DNAH11: variants seen among roughly 807,000 people sequenced by gnomAD.
DNAH11 encodes dynein axonemal heavy chain 11.
DNAH11 carries 442 observed loss-of-function variants against 526.0 expected under a neutral mutation model. The observed-to-expected ratio is 0.84, with a 90% CI of 0.78 to 0.91. The LOEUF is 0.91. Among genes scored for constraint, DNAH11 ranks in the 40% least tolerant of loss-of-function variants. The pLI is 0.00. For missense variants in DNAH11, 6,989 were observed against 5,448.7 expected, an observed-to-expected ratio of 1.28 and a Z score of -8.90; for synonymous variants, 2,461 against 1,935.9, an observed-to-expected ratio of 1.27 and a Z score of -7.12.
At chr7:21,556,356 A>G (rs903296501) in intron 2 of DNAH11, among the ~76,000 whole-genome samples, 4 of 152,178 alleles carry the variant, frequency 2.6e-5, no homozygotes, top group African/African-American at 9.7e-5. Flanking sequence ...CAGAATAGTA[A>G]ATAGAGTGAA....
At chr7:21,850,391 T>C (rs1367009819) in intron 66 of DNAH11, among the ~76,000 whole-genome samples, 2 of 150,330 alleles carry the variant, frequency 1.3e-5, no homozygotes, top group Non-Finnish European at 3.0e-5. Context: ...AGAAAAAAAA[T>C]TCTTCATTTT....
At chr7:21,652,578 A>C (rs1353377715) in intron 28 of DNAH11, among the ~76,000 whole-genome samples, 1 of 152,210 alleles carries the variant, frequency 6.6e-6, no homozygotes, top group Non-Finnish European at 1.5e-5. Context: ...TATAACCAAC[A>C]GTGAGAAGCT....
chr7:21,718,902 A>G (rs544950341), intron 43 of DNAH11, among the ~76,000 whole-genome samples: 17 of 152,358 alleles, frequency 1.1e-4, no homozygotes, highest in Admixed American at 8.5e-4. Flanking sequence ...ATAGTCTTCA[A>G]CAGTAATTAT....
At chr7:21,846,315 C>A (rs1214100581) in intron 66 of DNAH11, among the ~76,000 whole-genome samples, 1 of 152,172 alleles carries the variant, frequency 6.6e-6, no homozygotes, top group Non-Finnish European at 1.5e-5. Context: ...AGGGCAAAAG[C>A]ATCTAGCTTC....
chr7:21,561,389 C>A, intron 5 of DNAH11: 1 of 394,332 alleles, frequency 2.5e-6, no homozygotes, highest in Non-Finnish European at 4.5e-6. Context: ...GCCAAAATGG[C>A]TCCAGATTGA....
chr7:21,624,287 G>A (rs999378480), intron 25 of DNAH11, among the ~76,000 whole-genome samples: 1 of 151,980 alleles, frequency 6.6e-6, no homozygotes, highest in Non-Finnish European at 1.5e-5. Flanking sequence ...CACCTCCTTT[G>A]GTTAAATTTG....
intron 8 of DNAH11, among the ~76,000 whole-genome samples, chr7:21,579,000 C>T (rs1292448524): frequency 6.6e-6 from 1 of 152,190 alleles, no homozygotes; most frequent in Admixed American, 6.5e-5. Flanking sequence ...CCATCCAGTT[C>T]TTTCAGCTAT....
rs960832952 is a variant in DNAH11 at position 21,814,359 on chromosome 7, T to C, written c.10333-2108T>C. On this transcript the variant is annotated intron_variant, in intron 63 of 81. Transcript: ENST00000409508. ...TTTATTTATTTATTTATTTTTTTTT[T>C]ATTTTTTTATTTTTATTTTTTATAC... 1.3e-3 allele frequency among the ~76,000 whole-genome samples: 200 copies of C among 151,556 alleles called. 1 individual carries two copies. The highest frequency in any genetic ancestry group is 2.0e-3 in the Non-Finnish European group (135 of 67,864).
chr7:21,817,660 T>A (rs1405134995), intron 64 of DNAH11, among the ~76,000 whole-genome samples: 1 of 151,634 alleles, frequency 6.6e-6, no homozygotes, highest in Non-Finnish European at 1.5e-5. Flanking sequence ...GCCACTGCAC[T>A]CCAGCCTGGA....
chr7:21,636,196 A>G (rs1786856286), intron 26 of DNAH11, 101 bp downstream of exon 26: 2 of 1,027,656 alleles, frequency 1.9e-6, no homozygotes, highest in Non-Finnish European at 2.8e-6. Context: ...TTGCATGAGT[A>G]AGCAGGAGTC....
intron 8 of DNAH11, among the ~76,000 whole-genome samples, chr7:21,576,292 G>C (rs1302912467): frequency 6.6e-6 from 1 of 152,196 alleles, no homozygotes; most frequent in African/African-American, 2.4e-5. Flanking sequence ...TGCCTGAAAG[G>C]CCTCAGCAAG....
intron 25 of DNAH11, among the ~76,000 whole-genome samples, chr7:21,624,173 A>G (rs1043835956): frequency 2.0e-5 from 3 of 152,034 alleles, no homozygotes; most frequent in Non-Finnish European, 2.9e-5. Flanking sequence ...CATTTTAACA[A>G]TATTAAATAC....
intron 45 of DNAH11, among the ~76,000 whole-genome samples, chr7:21,733,330 G>A (rs896724647): frequency 3.9e-5 from 6 of 152,232 alleles, no homozygotes; most frequent in African/African-American, 1.2e-4. Flanking sequence ...AGAGTTTGCA[G>A]TGAGCTGAGA....
chr7:21,599,096 T>C (rs1160993587), intron 14 of DNAH11, among the ~76,000 whole-genome samples: 3 of 152,230 alleles, frequency 2.0e-5, no homozygotes, highest in African/African-American at 7.2e-5. Flanking sequence ...TTTTGGTGTA[T>C]ATCCAGTGAT....
intron 25 of DNAH11, among the ~76,000 whole-genome samples, chr7:21,627,538 C>T (rs1786396376): frequency 6.6e-6 from 1 of 152,114 alleles, no homozygotes; most frequent in South Asian, 2.1e-4. Flanking sequence ...AAAGACTGTC[C>T]TTTCCCCATT....
Position 21,810,184 on chromosome 7 carries a change from GAAGT to G in DNAH11, c.10332+2138_10332+2141del, listed in dbSNP as rs1351829192. ...GAAAATTCAAACCCATAAGCAAAGT[GAAGT>G]AATAGATTTGCACGATGTAAAATCA... is the stretch of plus-strand genomic sequence containing the variant. On this transcript the variant is annotated intron_variant, in intron 63 of 81. Transcript: ENST00000409508. Among the ~76,000 whole-genome samples, 3 of 152,302 alleles carry G rather than the reference GAAGT, an allele frequency of 2.0e-5. No individual in the cohort carries two copies. In the East Asian group the frequency reaches 5.8e-4, roughly 29 times the overall value.
intron 30 of DNAH11, among the ~76,000 whole-genome samples, chr7:21,680,397 G>A (rs1056641154): frequency 1.6e-4 from 24 of 152,152 alleles, no homozygotes; most frequent in African/African-American, 5.5e-4. Flanking sequence ...TATTGTTTTT[G>A]TAAATAAGGC....
chr7:21,639,125 C>A (rs2128460360), intron 28 of DNAH11, 60 bp downstream of exon 28: 1 of 1,507,920 alleles, frequency 6.6e-7, no homozygotes, highest in African/African-American at 1.4e-5. Context: ...GTCATAGCGT[C>A]TCTATCATTG....
chr7:21,639,124 T>A (rs1787007536), intron 28 of DNAH11, 59 bp downstream of exon 28: 1 of 1,509,404 alleles, frequency 6.6e-7, no homozygotes, highest in Admixed American at 2.3e-5. Flanking sequence ...TGTCATAGCG[T>A]CTCTATCATT....
Sources: gnomAD v4.1 joint callset for allele counts (sites outside exome capture counted in the v4.1 genomes callset) on GRCh38, gnomAD v4.1.1 for gene constraint, MANE v1.5 for transcripts, NCBI Gene and HGNC (gene_info 2026-07-23, HGNC 2026-07-21) for gene names.